The following DCAF12 variants were observed in gnomAD, a reference collection of about 807,000 sequenced individuals.
DCAF12 encodes DDB1 and CUL4 associated factor 12, also known as DDB1- and CUL4-associated factor 12.
Under a neutral mutation model 52.8 loss-of-function variants are expected in DCAF12, and 28 were observed. That is an observed-to-expected ratio of 0.53 (90% CI 0.39 to 0.73). DCAF12 has a LOEUF of 0.73. Ranked by LOEUF, DCAF12 falls within the 30% of genes least tolerant of loss-of-function variation. DCAF12 has a pLI of 0.00. For missense variants in DCAF12, 425 were observed against 552.2 expected, an observed-to-expected ratio of 0.77 and a Z score of 2.31; for synonymous variants, 196 against 215.5, an observed-to-expected ratio of 0.91 and a Z score of 0.79.
At chr9:34,099,619 A>C (rs1036502580) in intron 4 of DCAF12, among the ~76,000 whole-genome samples, 1 of 150,620 alleles carries the variant, frequency 6.6e-6, no homozygotes, top group Non-Finnish European at 1.5e-5. Flanking sequence ...TTGGAGATGA[A>C]GTCTCTCTGT....
At chr9:34,107,057 A>G (rs1828914656) in intron 3 of DCAF12, among the ~76,000 whole-genome samples, 2 of 152,172 alleles carry the variant, frequency 1.3e-5, no homozygotes, top group African/African-American at 4.8e-5. Context: ...GTTCACTGCT[A>G]TGTCTCAAAC....
chr9:34,126,336 C>CG lies in DCAF12; in HGVS notation c.78+17dup, dbSNP rs1829249499. ...TTCCTCAGCCTCACCACCCAGGTGCCGGCCTCTCAACCCTCACCTGCGGGC... is the reference window on the plus strand; with the variant it reads ...TTCCTCAGCCTCACCACCCAGGTGCCGGGCCTCTCAACCCTCACCTGCGGGC... On this transcript the variant is annotated intron_variant, in intron 1 of 8. Coordinates refer to ENST00000361264, the MANE Select transcript of DCAF12 (RefSeq NM_015397.4). 2 of 1,611,800 alleles carry CG rather than the reference C, an allele frequency of 1.2e-6. No individual in the cohort carries two copies. Among genetic ancestry groups the CG allele is most frequent in the Admixed American group, 3.3e-5 (2 of 59,932 alleles).
chr9:34,108,810 T>A (rs71521214), intron 2 of DCAF12, among the ~76,000 whole-genome samples: 23,258 of 119,842 alleles, frequency 0.19, 2,728 homozygotes, highest in Non-Finnish European at 0.29. Context: ...AATAAATAAA[T>A]AAATATATAT....
intron 3 of DCAF12, 47 bp downstream of exon 3, chr9:34,107,312 G>A (rs10511915): frequency 0.16 from 256,010 of 1,579,164 alleles, 22,764 homozygotes; most frequent in South Asian, 0.31. Context: ...ACTGAGACCC[G>A]TTTAAAAACA....
At chr9:34,112,484 C>T (rs1163828749) in intron 2 of DCAF12, among the ~76,000 whole-genome samples, 1 of 151,718 alleles carries the variant, frequency 6.6e-6, no homozygotes, top group Admixed American at 6.6e-5. Flanking sequence ...ATCCTGGCTA[C>T]TCGGGAGGCT....
intron 7 of DCAF12, among the ~76,000 whole-genome samples, chr9:34,091,096 G>A (rs1271800977): frequency 6.6e-6 from 1 of 152,058 alleles, no homozygotes; most frequent in Non-Finnish European, 1.5e-5. Flanking sequence ...GAGGCCCAAG[G>A]TGAGTGGATC....
intron 2 of DCAF12, among the ~76,000 whole-genome samples, chr9:34,114,196 A>G (rs918441180): frequency 3.3e-5 from 5 of 152,208 alleles, no homozygotes; most frequent in Admixed American, 6.5e-5. Context: ...GGATGAACCT[A>G]GAGGACATTA....
intron 2 of DCAF12, among the ~76,000 whole-genome samples, chr9:34,115,991 A>T (rs963557592): frequency 6.6e-6 from 1 of 152,220 alleles, no homozygotes; most frequent in African/African-American, 2.4e-5. Context: ...AGTAATACAA[A>T]ACATGGCAAT....
At chr9:34,107,271 T>A in intron 3 of DCAF12, 88 bp downstream of exon 3, 1 of 1,322,398 alleles carries the variant, frequency 7.6e-7, no homozygotes. Context: ...GTCCCCACTC[T>A]GGGCTGATGA....
rs755338793 is a variant in DCAF12 at position 34,093,371 on chromosome 9, C to T, written c.939G>A (p.Val313=). The change falls in exon 7 of 9, where the codon GTG becomes GTA. Residue 313 remains valine (V), a synonymous_variant. Transcript: ENST00000361264. ...AYGSEWSVYA[V]GSQAHVSFLD... ...AGAAGGAGACATGAGCTTGGGAGCCCACTGCATAAACTGACCATTCACTAC... is the reference window on the plus strand; with the variant it reads ...AGAAGGAGACATGAGCTTGGGAGCCTACTGCATAAACTGACCATTCACTAC... The T allele has an allele frequency of 5.0e-6, 8 of 1,614,200 alleles. No individual in the cohort carries two copies. The East Asian group carries it at 1.8e-4, about 36-fold the overall frequency.
At chr9:34,108,806 T>A (rs10738924) in intron 2 of DCAF12, among the ~76,000 whole-genome samples, 73,241 of 129,082 alleles carry the variant, frequency 0.57, 20,118 homozygotes, top group Non-Finnish European at 0.6. Context: ...AAAAAATAAA[T>A]AAATAAATAT....
At chr9:34,105,390 C>T (rs973463508) in intron 4 of DCAF12, among the ~76,000 whole-genome samples, 4 of 152,230 alleles carry the variant, frequency 2.6e-5, no homozygotes, top group Middle Eastern at 3.4e-3. Flanking sequence ...GGTGCCACTG[C>T]ACTCCAGCCT....
intron 2 of DCAF12, among the ~76,000 whole-genome samples, chr9:34,124,332 T>C (rs1307084137): frequency 6.6e-6 from 1 of 152,244 alleles, no homozygotes; most frequent in Non-Finnish European, 1.5e-5. Flanking sequence ...ATGCTATTCG[T>C]GGACTCTATT....
intron 5 of DCAF12, among the ~76,000 whole-genome samples, chr9:34,097,489 C>G (rs1373118658): frequency 6.6e-6 from 1 of 151,972 alleles, no homozygotes; most frequent in African/African-American, 2.4e-5. Flanking sequence ...AACTCCTGAC[C>G]TTGTGATCTG....
At chr9:34,091,529 G>A (rs905258039) in intron 7 of DCAF12, among the ~76,000 whole-genome samples, 1 of 151,338 alleles carries the variant, frequency 6.6e-6, no homozygotes, top group African/African-American at 2.4e-5. Flanking sequence ...CCAGCTACTC[G>A]GGAGGCTGAG....
At chr9:34,097,311 G>A (rs1488874723) in intron 5 of DCAF12, among the ~76,000 whole-genome samples, 3 of 147,430 alleles carry the variant, frequency 2.0e-5, no homozygotes, top group African/African-American at 7.5e-5. Context: ...ACCCAGGCTG[G>A]AGTGCTGTGG....
intron 4 of DCAF12, among the ~76,000 whole-genome samples, chr9:34,101,662 G>A (rs1238627066): frequency 1.3e-5 from 2 of 151,880 alleles, no homozygotes; most frequent in Non-Finnish European, 2.9e-5. Flanking sequence ...AAAGTGCAAG[G>A]ATTACAGGCA....
At chr9:34,101,549 T>C (rs1828830043) in intron 4 of DCAF12, among the ~76,000 whole-genome samples, 1 of 151,750 alleles carries the variant, frequency 6.6e-6, no homozygotes, top group South Asian at 2.1e-4. Context: ...TGTGCCACCA[T>C]GCCCGGCTAA....
chr9:34,126,337 G>T lies in DCAF12; in HGVS notation c.78+17C>A. The T allele has an allele frequency of 6.2e-7, 1 of 1,611,930 alleles. No homozygotes were observed. Among genetic ancestry groups the T allele is most frequent in the Non-Finnish European group, 8.5e-7 (1 of 1,179,592 alleles). ...TCCTCAGCCTCACCACCCAGGTGCC[G>T]GCCTCTCAACCCTCACCTGCGGGCC... On this transcript the variant is annotated intron_variant, in intron 1 of 8. Coordinates refer to ENST00000361264, the MANE Select transcript of DCAF12 (RefSeq NM_015397.4).
Sources: gnomAD v4.1 joint callset for allele counts (sites outside exome capture counted in the v4.1 genomes callset) on GRCh38, gnomAD v4.1.1 for gene constraint, MANE v1.5 for transcripts, NCBI Gene and HGNC (gene_info 2026-07-23, HGNC 2026-07-21) for gene names.